Variants in WDR47 observed in about 807,000 individuals in gnomAD.
WDR47 encodes the protein WD repeat-containing protein 47.
WDR47 carries 32 observed loss-of-function variants against 97.2 expected under a neutral mutation model. The observed-to-expected ratio is 0.33, with a 90% CI of 0.25 to 0.44. The LOEUF (loss-of-function observed/expected upper bound fraction) is 0.44. Ranked by LOEUF, WDR47 falls within the 20% of genes least tolerant of loss-of-function variation. The probability of loss-of-function intolerance (pLI) is 1.00; values close to 1 mark genes in which losing one functional copy is unlikely to be tolerated. For synonymous variants in WDR47, 375 were observed against 373.5 expected (o/e 1.00, Z -0.05); for missense variants, 782 against 1,102.3 (o/e 0.71, Z 4.11).
At chr1:108,997,836 G>C (rs1211215611) in intron 7 of WDR47, among the ~76,000 whole-genome samples, 1 of 151,428 alleles carries the variant, frequency 6.6e-6, no homozygotes, top group Non-Finnish European at 1.5e-5. Context: ...AGAAGATTTA[G>C]ACCCAAAACT....
intron 13 of WDR47, among the ~76,000 whole-genome samples, chr1:108,981,358 G>A (rs562357980): frequency 6.6e-6 from 1 of 152,114 alleles, no homozygotes; most frequent in South Asian, 2.1e-4. Context: ...ATAAGAAATT[G>A]GTCCTTTAGT....
At chr1:108,998,706 T>A (rs1006132468) in intron 7 of WDR47, among the ~76,000 whole-genome samples, 2 of 152,072 alleles carry the variant, frequency 1.3e-5, no homozygotes, top group Admixed American at 1.3e-4. Context: ...TTCAATAAGA[T>A]CTAATTGTGT....
At chr1:108,992,152 T>C (rs1234730717) in intron 8 of WDR47, 8 of 626,446 alleles carry the variant, frequency 1.3e-5, no homozygotes, top group Non-Finnish European at 2.3e-5. Context: ...AACAGATTAA[T>C]AAGGAAACAA....
chr1:108,978,482 C>T (rs914150481), intron 13 of WDR47, among the ~76,000 whole-genome samples: 3 of 146,882 alleles, frequency 2.0e-5, no homozygotes, highest in Admixed American at 6.9e-5. Context: ...AGCGAGACTC[C>T]GTCTCAAAAG....
At chr1:108,989,348 C>T (rs576663701) in intron 9 of WDR47, among the ~76,000 whole-genome samples, 1 of 152,320 alleles carries the variant, frequency 6.6e-6, no homozygotes, top group African/African-American at 2.4e-5. Flanking sequence ...ATGACTACAG[C>T]AATGAAAAGA....
intron 2 of WDR47, among the ~76,000 whole-genome samples, chr1:109,020,653 G>C (rs1340778770): frequency 6.6e-6 from 1 of 151,982 alleles, no homozygotes; most frequent in Non-Finnish European, 1.5e-5. Context: ...TCAAGCAGGA[G>C]GGTACTTGAG....
At chr1:109,034,453 T>C (rs1188744116) in intron 1 of WDR47, among the ~76,000 whole-genome samples, 1 of 152,198 alleles carries the variant, frequency 6.6e-6, no homozygotes, top group Non-Finnish European at 1.5e-5. Context: ...AAATAAATTA[T>C]GGTAAATTCA....
intron 7 of WDR47, among the ~76,000 whole-genome samples, chr1:108,996,714 C>A (rs993994042): frequency 6.6e-6 from 1 of 152,234 alleles, no homozygotes; most frequent in African/African-American, 2.4e-5. Flanking sequence ...AACAAGTTAG[C>A]CTCAGGGCCT....
chr1:109,012,071 T>TA, intron 4 of WDR47, among the ~76,000 whole-genome samples: 1 of 152,240 alleles, frequency 6.6e-6, no homozygotes, highest in East Asian at 1.9e-4. Context: ...CCCCAGCCTC[T>TA]AAAGTAGCTG....
At chr1:109,004,417 T>C (rs576256026) in intron 6 of WDR47, among the ~76,000 whole-genome samples, 175 bp downstream of exon 6, 1 of 152,326 alleles carries the variant, frequency 6.6e-6, no homozygotes, top group South Asian at 2.1e-4. Flanking sequence ...CAATGGCAAC[T>C]AAATAGCCAC....
At chr1:108,982,544 A>G in intron 12 of WDR47, 65 bp downstream of exon 12, 1 of 1,521,068 alleles carries the variant, frequency 6.6e-7, no homozygotes, top group Non-Finnish European at 8.8e-7. Context: ...AAGAAAATGC[A>G]GAGAGGAAAA....
intron 6 of WDR47, among the ~76,000 whole-genome samples, chr1:109,002,803 C>T (rs955895871): frequency 3.9e-5 from 6 of 152,018 alleles, no homozygotes; most frequent in Non-Finnish European, 5.9e-5. Context: ...ACCAACTTAC[C>T]CCAGCCAGAA....
At chr1:109,019,619 G>A (rs1661675480) in intron 2 of WDR47, among the ~76,000 whole-genome samples, 1 of 152,108 alleles carries the variant, frequency 6.6e-6, no homozygotes, top group Non-Finnish European at 1.5e-5. Flanking sequence ...CTACAACAAA[G>A]GACAACCCTC....
intron 14 of WDR47, among the ~76,000 whole-genome samples, chr1:108,973,899 AAACT>A (rs1657678734): frequency 6.6e-6 from 1 of 150,784 alleles, no homozygotes; most frequent in South Asian, 2.1e-4. Flanking sequence ...AAAAAATCAA[AAACT>A]AACAATAAGG....
chr1:109,034,631 G>A (rs915022538), intron 1 of WDR47, among the ~76,000 whole-genome samples: 1 of 152,040 alleles, frequency 6.6e-6, no homozygotes. Flanking sequence ...ATAGGAGCAC[G>A]GACCCTACAT....
At chr1:109,041,692 T>TC (rs1328417745) in intron 1 of WDR47, 170 bp downstream of exon 1, 1 of 152,062 alleles carries the variant, frequency 6.6e-6, no homozygotes, top group Non-Finnish European at 1.5e-5. Context: ...CCCAGCCCCC[T>TC]CCCAGTCGGC....
intron 13 of WDR47, among the ~76,000 whole-genome samples, chr1:108,976,185 T>C (rs1458727834): frequency 6.6e-6 from 1 of 152,076 alleles, no homozygotes; most frequent in Non-Finnish European, 1.5e-5. Context: ...GGAAAGATTG[T>C]AGAACAAAAG....
At chr1:108,978,403 C>T (rs955903651) in intron 13 of WDR47, among the ~76,000 whole-genome samples, 3 of 151,296 alleles carry the variant, frequency 2.0e-5, no homozygotes, top group African/African-American at 2.4e-5. Flanking sequence ...GGCGTGAACC[C>T]GGGAGGCGGA....
chr1:108,986,659 A>G lies in WDR47; in HGVS notation c.1789T>C (p.Phe597Leu), dbSNP rs1432605544. ...GEEDDKSKKQ[F>L]VCINILEDTQ... ...TCTTCTAGGATATTAATACAAACAA[A>G]CTGCTTTTTTGATTTGTCATCCTAT... Residue 597 changes from phenylalanine (F) to leucine (L), a missense_variant, in exon 10 of 15, where the codon TTT becomes CTT. This residue lies in a region of WDR47 where 228 missense variants were observed against 396.7 expected (regional missense o/e 0.57). Coordinates refer to ENST00000369962, the MANE Select transcript of WDR47 (RefSeq NM_001142551.2). 6.2e-7 allele frequency: 1 copy of G among 1,607,390 alleles called. No homozygotes were observed. The highest frequency in any genetic ancestry group is 8.5e-7 in the Non-Finnish European group (1 of 1,177,632).
Sources: allele counts gnomAD v4.1 joint callset (sites outside exome capture counted in the v4.1 genomes callset), GRCh38; gene constraint gnomAD v4.1.1; regional missense constraint gnomAD v4.1.1; transcripts MANE v1.5; gene names NCBI Gene and HGNC (gene_info 2026-07-23, HGNC 2026-07-21).